The following IMMP2L variants were observed in gnomAD, a reference collection of about 807,000 sequenced individuals.
The protein encoded by IMMP2L is mitochondrial inner membrane protease subunit 2.
A neutral mutation model predicts 19.3 loss-of-function variants in IMMP2L; 18 were observed. The observed-to-expected ratio is 0.93, with a 90% CI of 0.64 to 1.38. IMMP2L has a LOEUF of 1.38. Ranked by LOEUF, IMMP2L falls within the 40% of genes most tolerant of loss-of-function variation. The probability of loss-of-function intolerance (pLI) is 0.00; values close to 1 mark genes in which losing one functional copy is unlikely to be tolerated. For missense variants in IMMP2L, 233 were observed against 218.2 expected (o/e 1.07, Z -0.43); for synonymous variants, 76 against 73.0 (o/e 1.04, Z -0.21).
chr7:110,837,280 G>C (rs567266493), intron 5 of IMMP2L, among the ~76,000 whole-genome samples: 1 of 151,930 alleles, frequency 6.6e-6, no homozygotes, highest in Admixed American at 6.6e-5. Context: ...TCCAGTTTAG[G>C]AGAGAAGAAA....
intron 5 of IMMP2L, among the ~76,000 whole-genome samples, chr7:110,704,025 T>C (rs982632762): frequency 6.6e-6 from 1 of 151,946 alleles, no homozygotes; most frequent in Non-Finnish European, 1.5e-5. Flanking sequence ...TTTTTTGTAT[T>C]TTTAGTAGAG....
At chr7:111,141,886 T>C (rs937584031) in intron 3 of IMMP2L, among the ~76,000 whole-genome samples, 4 of 152,124 alleles carry the variant, frequency 2.6e-5, no homozygotes, top group African/African-American at 9.7e-5. Context: ...TTTGTTTTTG[T>C]AGAGACAGGG....
chr7:110,859,940 T>C (rs1485739008), intron 5 of IMMP2L, among the ~76,000 whole-genome samples: 1 of 152,088 alleles, frequency 6.6e-6, no homozygotes, highest in Admixed American at 6.6e-5. Context: ...CTTTTAAAAC[T>C]TGTTCTCATC....
intron 3 of IMMP2L, among the ~76,000 whole-genome samples, chr7:111,288,654 C>G (rs1355913725): frequency 6.6e-6 from 1 of 151,832 alleles, no homozygotes; most frequent in African/African-American, 2.4e-5. Flanking sequence ...ATGCAGCCAA[C>G]AAACATGAAA....
intron 3 of IMMP2L, among the ~76,000 whole-genome samples, chr7:111,262,074 G>T (rs1010387801): frequency 2.6e-5 from 4 of 152,000 alleles, no homozygotes; most frequent in African/African-American, 7.2e-5. Flanking sequence ...GCAAAAACAA[G>T]AATTCAATCA....
intron 4 of IMMP2L, among the ~76,000 whole-genome samples, chr7:110,957,458 G>A (rs1364043198): frequency 6.6e-6 from 1 of 151,936 alleles, no homozygotes; most frequent in Admixed American, 6.6e-5. Context: ...CCAGTGATTT[G>A]AGTCAGATTA....
intron 4 of IMMP2L, among the ~76,000 whole-genome samples, chr7:110,895,547 C>G (rs1284289011): frequency 1.3e-5 from 2 of 152,124 alleles, no homozygotes; most frequent in Non-Finnish European, 2.9e-5. Flanking sequence ...AATCCCCTGT[C>G]CATGTCTGTG....
chr7:111,485,621 A>AAC (rs1842588387), intron 3 of IMMP2L, among the ~76,000 whole-genome samples: 2 of 150,432 alleles, frequency 1.3e-5, no homozygotes, highest in East Asian at 1.9e-4. Flanking sequence ...AAAAAAAAAA[A>AAC]AAAACACAGT....
At chr7:111,328,295 A>T (rs941349509) in intron 3 of IMMP2L, among the ~76,000 whole-genome samples, 1 of 151,836 alleles carries the variant, frequency 6.6e-6, no homozygotes, top group Non-Finnish European at 1.5e-5. Context: ...ATTCAGGAAA[A>T]ATAATTTAAA....
At chr7:111,392,108 T>C in intron 3 of IMMP2L, 1 of 639,398 alleles carries the variant, frequency 1.6e-6, no homozygotes, top group South Asian at 1.8e-5. Context: ...TCTTTGGCTA[T>C]TAGCGACCCA....
At chr7:111,048,761 C>A (rs1792700250) in intron 3 of IMMP2L, among the ~76,000 whole-genome samples, 1 of 152,102 alleles carries the variant, frequency 6.6e-6, no homozygotes, top group Admixed American at 6.5e-5. Context: ...ACAACTTGGT[C>A]AGAGCAGGAT....
intron 3 of IMMP2L, among the ~76,000 whole-genome samples, chr7:111,155,519 T>G (rs1050924977): frequency 1.2e-4 from 18 of 152,206 alleles, no homozygotes; most frequent in Middle Eastern, 3.4e-3. Context: ...TCTAAGCCAT[T>G]TGAAATGCCA....
intron 3 of IMMP2L, among the ~76,000 whole-genome samples, chr7:111,139,816 TG>T (rs1220078242): frequency 6.6e-6 from 1 of 152,190 alleles, no homozygotes; most frequent in African/African-American, 2.4e-5. Context: ...TTTTGCTTGC[TG>T]GAAATCTGGT....
intron 4 of IMMP2L, among the ~76,000 whole-genome samples, chr7:110,946,419 C>A (rs1817255715): frequency 6.6e-6 from 1 of 152,064 alleles, no homozygotes; most frequent in African/African-American, 2.4e-5. Flanking sequence ...TTACAGTAAA[C>A]TCCCATGTCT....
At chr7:111,280,986 C>T (rs1337900860) in intron 3 of IMMP2L, among the ~76,000 whole-genome samples, 8 of 151,602 alleles carry the variant, frequency 5.3e-5, no homozygotes, top group African/African-American at 1.2e-4. Context: ...AGGAGAATGG[C>T]GTGAACCCAG....
chr7:110,700,790 A>G (rs1053472921), intron 5 of IMMP2L, among the ~76,000 whole-genome samples: 1 of 152,226 alleles, frequency 6.6e-6, no homozygotes, highest in Non-Finnish European at 1.5e-5. Context: ...CATTAATTCT[A>G]AGAAATAAAA....
chr7:111,493,580 C>T (rs1164018518), intron 2 of IMMP2L, among the ~76,000 whole-genome samples: 1 of 151,908 alleles, frequency 6.6e-6, no homozygotes, highest in Non-Finnish European at 1.5e-5. Flanking sequence ...GGGCGGGCGC[C>T]TGTAGTCCCA....
rs11312650 is a variant in IMMP2L at position 111,441,720 on chromosome 7, T to TA, written c.239+45517dup. Among the ~76,000 whole-genome samples the TA allele has an allele frequency of 2.0e-3, 277 of 138,252 alleles. 5 individuals carry two copies. The highest frequency in any genetic ancestry group is 5.1e-3 in the Admixed American group (71 of 13,928). 90.7% of individuals were successfully genotyped at this position (138,252 alleles called of 152,430 possible). A position where few individuals can be genotyped will look rare whatever the true frequency, so the allele number is the denominator to read the frequency against. On this transcript the variant is annotated intron_variant, in intron 3 of 5. Coordinates refer to ENST00000405709, the MANE Select transcript of IMMP2L (RefSeq NM_032549.4). ...GAGCTGGCACAAACCTTCAACTTGT[T>TA]AAAAAAAAAAAAAAAAGAAAACACA...
chr7:110,941,498 TA>T (rs1816725916), intron 4 of IMMP2L, among the ~76,000 whole-genome samples: 1 of 152,156 alleles, frequency 6.6e-6, no homozygotes, highest in Non-Finnish European at 1.5e-5. Context: ...ATAATTATAT[TA>T]ATGCATTTAA....
Sources: allele counts gnomAD v4.1 joint callset (sites outside exome capture counted in the v4.1 genomes callset), GRCh38; gene constraint gnomAD v4.1.1; transcripts MANE v1.5; gene names NCBI Gene and HGNC (gene_info 2026-07-23, HGNC 2026-07-21).